Variants in MAGI2 observed in about 807,000 individuals in gnomAD.
The protein encoded by MAGI2 is membrane-associated guanylate kinase, WW and PDZ domain-containing protein 2.
Under a neutral mutation model 133.3 loss-of-function variants are expected in MAGI2, and 35 were observed. The observed-to-expected ratio is 0.26, with a 90% CI of 0.20 to 0.35. MAGI2 has a LOEUF of 0.35. Ranked by LOEUF, MAGI2 falls within the 10% of genes least tolerant of loss-of-function variation. The pLI, the probability that MAGI2 is intolerant of heterozygous loss-of-function variation, is 1.00. For missense variants in MAGI2, 1,636 were observed against 1,863.4 expected (o/e 0.88, Z 2.25); for synonymous variants, 729 against 710.6 (o/e 1.03, Z -0.41).
At chr7:78,177,217 T>C (rs753323034) in intron 14 of MAGI2, among the ~76,000 whole-genome samples, 13 of 152,244 alleles carry the variant, frequency 8.5e-5, no homozygotes, top group East Asian at 1.9e-4. Flanking sequence ...GGGATGTAGA[T>C]AGCTGACTGC....
chr7:79,071,739 C>T (rs778947215), intron 1 of MAGI2, among the ~76,000 whole-genome samples: 24 of 151,960 alleles, frequency 1.6e-4, no homozygotes, highest in Admixed American at 3.3e-4. Context: ...GTTCAAACTT[C>T]CTGGTGGCTT....
At chr7:78,621,369 T>C (rs898481018) in intron 3 of MAGI2, 1 of 151,980 alleles carries the variant, frequency 6.6e-6, no homozygotes, top group Admixed American at 6.6e-5. Context: ...TGCTTATTAA[T>C]CAATAATGGA....
intron 10 of MAGI2, among the ~76,000 whole-genome samples, chr7:78,244,512 T>C (rs1406535750): frequency 6.6e-6 from 1 of 152,148 alleles, no homozygotes; most frequent in African/African-American, 2.4e-5. Context: ...CTGCAAGGAA[T>C]AGATAACTTT....
intron 9 of MAGI2, among the ~76,000 whole-genome samples, chr7:78,294,611 GTCTC>G (rs963832376): frequency 7.2e-5 from 11 of 152,152 alleles, no homozygotes; most frequent in African/African-American, 2.7e-4. Flanking sequence ...AGCAAATAGA[GTCTC>G]TCTTCTTTTA....
chr7:78,624,773 T>A (rs1808154487), intron 3 of MAGI2, among the ~76,000 whole-genome samples: 1 of 151,970 alleles, frequency 6.6e-6, no homozygotes. Context: ...AACTTAAAAG[T>A]CGAAGAAGAA....
At position 78,256,223 on chromosome 7, in the gene MAGI2, G is replaced by A; in HGVS notation, c.1767C>T (p.Asp589=). The stretch of plus-strand genomic sequence containing the variant: ...CCCCAGATGAAGCCATAGACACATT[G>A]TCATCATGGACGGGCGGTGGATACG... The part of the protein sequence containing the change: ...DGTYPPPVHD[D]NVSMASSGAT... Residue 589 remains aspartate (D), a synonymous_variant, in exon 10 of 22, where the codon GAC becomes GAT. Transcript: ENST00000354212. 6.2e-7 allele frequency: 1 copy of A among 1,614,066 alleles called. No homozygotes were observed. The highest frequency in any genetic ancestry group is 8.5e-7 in the Non-Finnish European group (1 of 1,179,996).
At chr7:78,796,700 G>C (rs1450364099) in intron 2 of MAGI2, among the ~76,000 whole-genome samples, 1 of 152,060 alleles carries the variant, frequency 6.6e-6, no homozygotes, top group East Asian at 1.9e-4. Flanking sequence ...TTGCAGCACT[G>C]TTCACAATAG....
rs554010061 is a variant in MAGI2, at chr7:78,529,668, G to GTTTTTTTTTTTTTTTT, written c.539-8039_539-8024dup. ...TTTCTTTTCCTTGCTAAAGGAGATG[G>GTTTTTTTTTTTTTTTT]TTTTTTTTTTTTTTTTTTTTTTTTT... On this transcript the variant is annotated intron_variant, in intron 3 of 21. Coordinates refer to ENST00000354212, the MANE Select transcript of MAGI2 (RefSeq NM_012301.4). Among the ~76,000 whole-genome samples the GTTTTTTTTTTTTTTTT allele has an allele frequency of 2.3e-3, 131 of 57,410 alleles. 32 individuals are homozygous for GTTTTTTTTTTTTTTTT. Among genetic ancestry groups the GTTTTTTTTTTTTTTTT allele is most frequent in the Non-Finnish European group, 3.1e-3 (88 of 28,722 alleles). 37.7% of individuals were successfully genotyped at this position (57,410 alleles called of 152,430 possible).
At chr7:79,035,020 G>GCA (rs1163704371) in intron 1 of MAGI2, among the ~76,000 whole-genome samples, 1 of 152,062 alleles carries the variant, frequency 6.6e-6, no homozygotes, top group East Asian at 1.9e-4. Flanking sequence ...TTAAAGTTCT[G>GCA]CAATTGCTCC....
At chr7:79,034,062 T>C (rs1810887378) in intron 1 of MAGI2, among the ~76,000 whole-genome samples, 1 of 152,230 alleles carries the variant, frequency 6.6e-6, no homozygotes, top group Non-Finnish European at 1.5e-5. Flanking sequence ...CACACTATCC[T>C]AGTTCCTTGC....
chr7:78,525,427 A>G (rs1584497183), intron 3 of MAGI2, among the ~76,000 whole-genome samples: 1 of 152,022 alleles, frequency 6.6e-6, no homozygotes, highest in East Asian at 1.9e-4. Flanking sequence ...CTCCCTGAAT[A>G]TAAGTGTATA....
Position 79,416,725 on chromosome 7 carries a change from C to CTTTTTTTTTTTTTTTT in MAGI2, c.301+36294_301+36295insAAAAAAAAAAAAAAAA, listed in dbSNP as rs1176426138. ...TTCTTTTTTCTTTTCTTTTCTTTTT[C>CTTTTTTTTTTTTTTTT]TTTTTCTTTTTTTTTTTTTGAGGTG... On this transcript the variant is annotated intron_variant, in intron 1 of 21. Transcript: ENST00000354212. 2.1e-3 allele frequency among the ~76,000 whole-genome samples: 215 copies of CTTTTTTTTTTTTTTTT among 102,428 alleles called. 23 individuals carry two copies. The highest frequency in any genetic ancestry group is 3.5e-3 in the African/African-American group (85 of 24,040). The allele number at this position is 102,428 out of a possible 152,430, so 67.2% of individuals were successfully genotyped here.
intron 6 of MAGI2, among the ~76,000 whole-genome samples, chr7:78,387,475 G>C (rs530633601): frequency 6.6e-6 from 1 of 152,256 alleles, no homozygotes; most frequent in East Asian, 1.9e-4. Context: ...AAGCCTGACA[G>C]GGAATTTGAA....
chr7:79,074,157 A>G (rs1288128876), intron 1 of MAGI2, among the ~76,000 whole-genome samples: 1 of 152,192 alleles, frequency 6.6e-6, no homozygotes, highest in East Asian at 1.9e-4. Flanking sequence ...TTGCCACCTT[A>G]TCATACACTG....
Position 79,453,541 on chromosome 7 carries a change from A to G in MAGI2, c.-221T>C. 1 of 1,333,950 alleles carries G rather than the reference A, an allele frequency of 7.5e-7. No individual in the cohort carries two copies. The highest frequency in any genetic ancestry group is 9.6e-7 in the Non-Finnish European group (1 of 1,045,648). 82.6% of individuals were successfully genotyped at this position (1,333,950 alleles called of 1,614,324 possible). A position where few individuals can be genotyped will look rare whatever the true frequency, so the allele number is the denominator to read the frequency against. ...GGGCAGAGGTAGGAGAGCTTGGATG[A>G]GGTTGTGCTGTCCCTTGAATGACAC... On this transcript the variant is annotated 5_prime_UTR_variant, in exon 1 of 22. Coordinates refer to ENST00000354212, the MANE Select transcript of MAGI2 (RefSeq NM_012301.4).
rs528861207 is a variant in MAGI2 at position 78,134,918 on chromosome 7, G to A, written c.3031+103C>T. 2.9e-5 allele frequency: 28 copies of A among 951,724 alleles called. No homozygotes were observed. The African/African-American group carries it at 3.3e-4, about 11-fold the overall frequency. The allele number at this position is 951,724 out of a possible 1,614,324, so 59.0% of individuals were successfully genotyped here. ...TCTGACACTCTGACACCACAGTGAC[G>A]GCAGGCAGGTGCACTCCGCGACCCT... On this transcript the variant is annotated intron_variant, in intron 17 of 21. Coordinates refer to ENST00000354212, the MANE Select transcript of MAGI2 (RefSeq NM_012301.4).
chr7:78,599,424 G>A (rs1804952383), intron 3 of MAGI2, among the ~76,000 whole-genome samples: 1 of 152,136 alleles, frequency 6.6e-6, no homozygotes, highest in Non-Finnish European at 1.5e-5. Flanking sequence ...TCCCTAATGT[G>A]TTGGAGTGAT....
At chr7:78,425,468 A>G (rs1203458274) in intron 6 of MAGI2, among the ~76,000 whole-genome samples, 5 of 152,218 alleles carry the variant, frequency 3.3e-5, no homozygotes, top group African/African-American at 1.2e-4. Flanking sequence ...AAATGTGTTT[A>G]CTTGAGGTCA....
chr7:78,307,399 C>T (rs1042471673), intron 9 of MAGI2, among the ~76,000 whole-genome samples: 6 of 152,122 alleles, frequency 3.9e-5, no homozygotes, highest in Non-Finnish European at 7.4e-5. Flanking sequence ...GATACTATGT[C>T]TTTGCCAGGT....
Sources: allele counts gnomAD v4.1 joint callset (sites outside exome capture counted in the v4.1 genomes callset), GRCh38; gene constraint gnomAD v4.1.1; transcripts MANE v1.5; gene names NCBI Gene and HGNC (gene_info 2026-07-23, HGNC 2026-07-21).